The following COG7 variants were observed in gnomAD, a reference collection of about 807,000 sequenced individuals.
COG7 encodes the protein conserved oligomeric Golgi complex subunit 7.
Under a neutral mutation model 91.5 loss-of-function variants are expected in COG7, and 49 were observed. That is an observed-to-expected ratio of 0.54 (90% CI 0.43 to 0.68). COG7 has a LOEUF of 0.68. Among genes scored for constraint, COG7 ranks in the 30% least tolerant of loss-of-function variants. COG7 has a pLI of 0.00. For synonymous variants in COG7, 365 were observed against 388.7 expected, an observed-to-expected ratio of 0.94 and a Z score of 0.72; for missense variants, 895 against 961.3, an observed-to-expected ratio of 0.93 and a Z score of 0.91.
intron 14 of COG7, among the ~76,000 whole-genome samples, chr16:23,397,150 T>C (rs1418512046): frequency 6.6e-6 from 1 of 152,128 alleles, no homozygotes; most frequent in Non-Finnish European, 1.5e-5. Context: ...CTCAAGCAAT[T>C]CTCTCGCCTC....
Position 23,433,594 on chromosome 16 carries a change from T to C in COG7, c.761A>G (p.Tyr254Cys), listed in dbSNP as rs769475131. 2.5e-6 allele frequency: 4 copies of C among 1,614,078 alleles called. No homozygotes were observed. The highest frequency in any genetic ancestry group is 1.7e-5 in the Admixed American group (1 of 60,008). The change falls in exon 6 of 17, where the codon TAT becomes TGT. Residue 254 changes from tyrosine to cysteine, a missense_variant. Transcript: ENST00000307149. ...GTGCCAAGCACCAAGCAAGGCATCA[T>C]AGAGTCCGGTAAGCTGCCGGTCCAG... is the stretch of plus-strand genomic sequence containing the variant. ...LSLDRQLTGL[Y>C]DALLGAWHTQ...
At position 23,398,062 on chromosome 16, in the gene COG7, A is replaced by G; in HGVS notation, c.1871T>C (p.Leu624Pro). Residue 624 changes from leucine (L) to proline (P), a missense_variant, in exon 14 of 17, where the codon CTC becomes CCC. Coordinates refer to ENST00000307149, the MANE Select transcript of COG7 (RefSeq NM_153603.4). Reference protein sequence around the residue: ...DELPAFSLTPLEYISNIGQYI... With the variant: ...DELPAFSLTPPEYISNIGQYI... The stretch of plus-strand genomic sequence containing the variant: ...AGCTCTTACGTTGCTGATGTACTCG[A>G]GAGGGGTGAGACTAAAGGCGGGCAG... 6.2e-7 allele frequency: 1 copy of G among 1,614,120 alleles called. No individual in the cohort carries two copies. Among genetic ancestry groups the G allele is most frequent in the Non-Finnish European group, 8.5e-7 (1 of 1,179,992 alleles).
chr16:23,436,340 C>G (rs1264880908), intron 4 of COG7, among the ~76,000 whole-genome samples: 4 of 152,104 alleles, frequency 2.6e-5, no homozygotes. Context: ...ATAAAATGAA[C>G]TGGGCATGTA....
chr16:23,400,744 C>T (rs1963361217), intron 13 of COG7, among the ~76,000 whole-genome samples: 2 of 152,108 alleles, frequency 1.3e-5, no homozygotes, highest in South Asian at 2.1e-4. Flanking sequence ...CTGAGGCGGG[C>T]GGATCACTTG....
intron 10 of COG7, chr16:23,412,545 G>A (rs146936439): frequency 1.3e-5 from 2 of 152,384 alleles, no homozygotes; most frequent in African/African-American, 2.4e-5. Context: ...AATCTTCTCA[G>A]GCAACTGCTG....
chr16:23,452,713 G>T (rs1964283789), intron 1 of COG7, 113 bp downstream of exon 1: 1 of 1,488,748 alleles, frequency 6.7e-7, no homozygotes, highest in African/African-American at 1.4e-5. Flanking sequence ...TTTGCCGAGG[G>T]TATTTGCTGT....
intron 10 of COG7, chr16:23,412,607 A>G (rs541968598): frequency 7.9e-5 from 12 of 152,352 alleles, no homozygotes; most frequent in African/African-American, 2.4e-4. Flanking sequence ...GTGTCTACCT[A>G]GTGGCCCACA....
At chr16:23,408,542 C>T (rs1019044388) in intron 11 of COG7, among the ~76,000 whole-genome samples, 2 of 151,746 alleles carry the variant, frequency 1.3e-5, no homozygotes, top group Admixed American at 6.6e-5. Context: ...CTTTGTTTCC[C>T]GTCATTTCTG....
intron 11 of COG7, 54 bp from the exon 12 acceptor site, chr16:23,406,316 T>C (rs919141186): frequency 1.4e-6 from 2 of 1,471,238 alleles, no homozygotes; most frequent in Non-Finnish European, 1.9e-6. Context: ...GGAACTTTCT[T>C]CTTGGAGCAG....
intron 6 of COG7, among the ~76,000 whole-genome samples, chr16:23,433,218 C>A (rs913731454): frequency 1.3e-5 from 2 of 152,186 alleles, no homozygotes; most frequent in African/African-American, 4.8e-5. Flanking sequence ...AATCTTCCTG[C>A]CTCGGTCTCC....
Position 23,433,560 on chromosome 16 carries a change from G to A in COG7, c.795C>T (p.Ile265=), listed in dbSNP as rs779734999. Residue 265 remains isoleucine, a synonymous_variant, in exon 6 of 17, where the codon ATC becomes ATT. Coordinates refer to ENST00000307149, the MANE Select transcript of COG7 (RefSeq NM_153603.4). ...GAGCTGTTACCTGTGTAGCCCACTGGATTTGTGTGTGCCAAGCACCAAGCA... is the reference window on the plus strand; with the variant it reads ...GAGCTGTTACCTGTGTAGCCCACTGAATTTGTGTGTGCCAAGCACCAAGCA... ...DALLGAWHTQ[I]QWATQVFQKP... 1 of 1,614,032 alleles carries A rather than the reference G, an allele frequency of 6.2e-7. No homozygotes were observed. Among genetic ancestry groups the A allele is most frequent in the Non-Finnish European group, 8.5e-7 (1 of 1,179,984 alleles).
At chr16:23,392,279 A>G in intron 16 of COG7, 101 bp downstream of exon 16, 2 of 1,573,944 alleles carry the variant, frequency 1.3e-6, no homozygotes, top group Non-Finnish European at 1.7e-6. Context: ...AGCTGAAGCT[A>G]AGGGAAGACT....
intron 10 of COG7, among the ~76,000 whole-genome samples, chr16:23,411,882 C>CT (rs1230807496): frequency 0.025 from 3,382 of 137,702 alleles, 56 homozygotes; most frequent in Non-Finnish European, 0.033. Context: ...TTCCAGATTG[C>CT]TTTTTTTTTT....
chr16:23,399,223 C>T (rs1377144150), intron 13 of COG7, among the ~76,000 whole-genome samples: 2 of 152,152 alleles, frequency 1.3e-5, no homozygotes, highest in African/African-American at 2.4e-5. Context: ...CCACTTGATT[C>T]GGTCTTATTT....
Position 23,442,508 on chromosome 16 carries a change from C to G in COG7, c.573G>C (p.Gln191His). Residue 191 changes from glutamine to histidine, a missense_variant, in exon 4 of 17, where the codon CAG becomes CAC. Transcript: ENST00000307149. Reference sequence around the variant, plus strand: ...CCTGAGAGGTGAATGCCGCTACAATCTGTGGACTGGCTAGGGCCTCCAGCC... The same window carrying G: ...CCTGAGAGGTGAATGCCGCTACAATGTGTGGACTGGCTAGGGCCTCCAGCC... ...KNRLEALASP[Q>H]IVAAFTSQAV... 6 of 1,614,126 alleles carry G rather than the reference C, an allele frequency of 3.7e-6. No individual in the cohort carries two copies. Among genetic ancestry groups the G allele is most frequent in the Non-Finnish European group, 5.1e-6 (6 of 1,180,036 alleles).
Position 23,445,703 on chromosome 16 carries a change from G to A in COG7, c.318+110C>T, listed in dbSNP as rs1964170215. Reference sequence around the variant, plus strand: ...TGGAGTGCTGGGCAGAATCTTGAGTGATGGTTGGCCTCCCAAAACACCGTG... The same window carrying A: ...TGGAGTGCTGGGCAGAATCTTGAGTAATGGTTGGCCTCCCAAAACACCGTG... On this transcript the variant is annotated intron_variant, in intron 2 of 16. Coordinates refer to ENST00000307149, the MANE Select transcript of COG7 (RefSeq NM_153603.4). 3 of 1,080,778 alleles carry A rather than the reference G, an allele frequency of 2.8e-6. No homozygotes were observed. In the South Asian group the frequency reaches 3.8e-5, roughly 14 times the overall value. 66.9% of individuals were successfully genotyped at this position (1,080,778 alleles called of 1,614,324 possible). A position where few individuals can be genotyped will look rare whatever the true frequency, so the allele number is the denominator to read the frequency against.
rs113583499 is a variant in COG7 at position 23,432,637 on chromosome 16, C to A, written c.810+908G>T. 9.9e-3 allele frequency among the ~76,000 whole-genome samples: 1,514 copies of A among 152,292 alleles called. 31 individuals carry two copies. Among genetic ancestry groups the A allele is most frequent in the African/African-American group, 0.034 (1,419 of 41,540 alleles). On this transcript the variant is annotated intron_variant, in intron 6 of 16. Transcript: ENST00000307149. ...TTCTACTGTGCCTCCTGTCTCAAGGCAAGAGAACAACGGTTTAAAACCTTT... is the reference window on the plus strand; with the variant it reads ...TTCTACTGTGCCTCCTGTCTCAAGGAAAGAGAACAACGGTTTAAAACCTTT...
intron 4 of COG7, among the ~76,000 whole-genome samples, chr16:23,441,379 A>C (rs1430930204): frequency 6.6e-6 from 1 of 152,182 alleles, no homozygotes; most frequent in Non-Finnish European, 1.5e-5. Flanking sequence ...GTTCAAGACC[A>C]GCCTGGACGA....
At chr16:23,428,068 T>G (rs1412042810) in intron 6 of COG7, among the ~76,000 whole-genome samples, 1 of 151,960 alleles carries the variant, frequency 6.6e-6, no homozygotes, top group Admixed American at 6.6e-5. Flanking sequence ...TCCCAGCTAC[T>G]CCAGAGGCTG....
Sources: allele counts gnomAD v4.1 joint callset (sites outside exome capture counted in the v4.1 genomes callset), GRCh38; gene constraint gnomAD v4.1.1; transcripts MANE v1.5; gene names NCBI Gene and HGNC (gene_info 2026-07-23, HGNC 2026-07-21).